The following AGBL4 variants were observed in gnomAD, a reference collection of about 807,000 sequenced individuals.
AGBL4 encodes the protein AGBL carboxypeptidase 4.
AGBL4 carries 58 observed loss-of-function variants against 66.4 expected under a neutral mutation model. The observed-to-expected ratio is 0.87, with a 90% CI of 0.71 to 1.09. The LOEUF (loss-of-function observed/expected upper bound fraction) is 1.09, where lower values mean the gene tolerates loss of function less well. Among genes scored for constraint, AGBL4 ranks in the 50% least tolerant of loss-of-function variants. AGBL4 has a pLI of 0.00. For synonymous variants in AGBL4, 234 were observed against 222.9 expected (o/e 1.05, Z -0.44); for missense variants, 579 against 631.0 (o/e 0.92, Z 0.88).
rs1240398333 is a variant in AGBL4 at position 48,539,686 on chromosome 1, C to A, written c.1320G>T (p.Leu440=). The A allele has an allele frequency of 6.5e-7, 1 of 1,544,884 alleles. No homozygotes were observed. The highest frequency in any genetic ancestry group is 8.7e-7 in the Non-Finnish European group (1 of 1,142,874). ...VARTFLDYYR[L]NPVVEKVAIP... is the part of the protein sequence containing the mutation. ...TTGCCACCTTTTCAACCACGGGGTTCAGCCGATAATAGTCCAAAAAGGTTC... is the reference window on the plus strand; with the variant it reads ...TTGCCACCTTTTCAACCACGGGGTTAAGCCGATAATAGTCCAAAAAGGTTC... Residue 440 remains leucine, a synonymous_variant, in exon 12 of 14, where the codon CTG becomes CTT. Transcript: ENST00000371839.
At chr1:48,626,547 C>T (rs954858480) in intron 9 of AGBL4, among the ~76,000 whole-genome samples, 2 of 152,238 alleles carry the variant, frequency 1.3e-5, no homozygotes, top group Admixed American at 6.5e-5. Context: ...CAACAGATAT[C>T]TCTATCTGGC....
intron 3 of AGBL4, among the ~76,000 whole-genome samples, chr1:49,258,109 G>A (rs1652720945): frequency 6.6e-6 from 1 of 152,126 alleles, no homozygotes; most frequent in South Asian, 2.1e-4. Context: ...TCTGTTGAAA[G>A]GAAAACTAAC....
At chr1:49,633,719 C>T (rs934461237) in intron 3 of AGBL4, among the ~76,000 whole-genome samples, 1 of 151,536 alleles carries the variant, frequency 6.6e-6, no homozygotes, top group Admixed American at 6.6e-5. Flanking sequence ...ATAGTTATTT[C>T]TTCATGATCA....
intron 5 of AGBL4, among the ~76,000 whole-genome samples, chr1:49,011,305 G>A (rs946036463): frequency 1.6e-4 from 24 of 152,178 alleles, no homozygotes; most frequent in African/African-American, 5.5e-4. Flanking sequence ...GGCCATCAGA[G>A]AAATGCAAAT....
intron 4 of AGBL4, among the ~76,000 whole-genome samples, chr1:49,155,663 A>C (rs372683568): frequency 2.0e-5 from 3 of 152,190 alleles, no homozygotes; most frequent in East Asian, 1.9e-4. Flanking sequence ...GAGTAAAGTA[A>C]GATGTCAGGG....
At chr1:48,776,410 G>A (rs1396647207) in intron 6 of AGBL4, among the ~76,000 whole-genome samples, 2 of 152,182 alleles carry the variant, frequency 1.3e-5, no homozygotes, top group African/African-American at 4.8e-5. Context: ...AGACAAAGGG[G>A]ACCATCCGGT....
intron 9 of AGBL4, among the ~76,000 whole-genome samples, chr1:48,604,974 T>C (rs6701767): frequency 0.14 from 21,726 of 152,270 alleles, 1,664 homozygotes; most frequent in South Asian, 0.2. Context: ...TCTGGCTCTT[T>C]GAATTGTTTG....
At chr1:49,107,378 T>C (rs1018122913) in intron 4 of AGBL4, among the ~76,000 whole-genome samples, 8 of 152,170 alleles carry the variant, frequency 5.3e-5, no homozygotes, top group Non-Finnish European at 1.2e-4. Context: ...TGTAATATTT[T>C]CAACTTACAA....
At chr1:49,650,304 G>A (rs1430908958) in intron 3 of AGBL4, among the ~76,000 whole-genome samples, 1 of 152,182 alleles carries the variant, frequency 6.6e-6, no homozygotes, top group African/African-American at 2.4e-5. Context: ...TATGGCAAAG[G>A]CTGACCCCTG....
chr1:49,459,046 C>T (rs1402262489), intron 3 of AGBL4, among the ~76,000 whole-genome samples: 1 of 150,974 alleles, frequency 6.6e-6, no homozygotes, highest in Non-Finnish European at 1.5e-5. Flanking sequence ...CTTTCTTTCT[C>T]TTTCTTTCCT....
chr1:49,729,790 T>C (rs1649293052), intron 2 of AGBL4, among the ~76,000 whole-genome samples: 1 of 152,060 alleles, frequency 6.6e-6, no homozygotes, highest in Non-Finnish European at 1.5e-5. Context: ...TAGTAGGAAT[T>C]TTAAAAAATG....
chr1:49,188,500 G>C (rs1647056310), intron 4 of AGBL4, among the ~76,000 whole-genome samples: 1 of 152,140 alleles, frequency 6.6e-6, no homozygotes, highest in Non-Finnish European at 1.5e-5. Context: ...CCTGCCCTCA[G>C]ACAGATTATA....
intron 4 of AGBL4, among the ~76,000 whole-genome samples, chr1:49,130,003 T>A (rs899497165): frequency 2.0e-5 from 3 of 152,198 alleles, no homozygotes; most frequent in Middle Eastern, 3.4e-3. Context: ...AATGATCACC[T>A]TTCTAACTGG....
At chr1:49,308,745 G>T (rs541318755) in intron 3 of AGBL4, among the ~76,000 whole-genome samples, 28 of 152,164 alleles carry the variant, frequency 1.8e-4, no homozygotes, top group Non-Finnish European at 3.4e-4. Flanking sequence ...AGGCAGGGTG[G>T]AAGGAATTAT....
rs150367487 is a variant in AGBL4 at position 49,518,256 on chromosome 1, A to G, written c.282+179057T>C. 2.8e-4 allele frequency among the ~76,000 whole-genome samples: 43 copies of G among 152,198 alleles called. 1 individual carries two copies. In the East Asian group the frequency reaches 8.3e-3, roughly 29 times the overall value. Reference sequence around the variant, plus strand: ...AACCCAGGGCCTTCCTATCTATAAAAAATACTGAGATCCAACACACTTTTC... The same window carrying G: ...AACCCAGGGCCTTCCTATCTATAAAGAATACTGAGATCCAACACACTTTTC... On this transcript the variant is annotated intron_variant, in intron 3 of 13. Coordinates refer to ENST00000371839, the MANE Select transcript of AGBL4 (RefSeq NM_032785.4).
intron 1 of AGBL4, among the ~76,000 whole-genome samples, chr1:49,916,669 T>C (rs1168584280): frequency 6.6e-6 from 1 of 152,206 alleles, no homozygotes; most frequent in Non-Finnish European, 1.5e-5. Context: ...TGCAGGATAT[T>C]ATCCAGGAGA....
intron 4 of AGBL4, among the ~76,000 whole-genome samples, chr1:49,200,985 C>A (rs1044575643): frequency 6.6e-6 from 1 of 152,118 alleles, no homozygotes; most frequent in Non-Finnish European, 1.5e-5. Flanking sequence ...CTGTCAGCCA[C>A]CTCATTAACA....
intron 4 of AGBL4, among the ~76,000 whole-genome samples, chr1:49,204,739 A>C (rs927594067): frequency 2.0e-5 from 3 of 152,134 alleles, no homozygotes; most frequent in African/African-American, 7.2e-5. Context: ...TTACCCACTT[A>C]CAGCTAGTGA....
At chr1:49,255,514 A>G (rs772978616) in intron 3 of AGBL4, among the ~76,000 whole-genome samples, 34 of 152,296 alleles carry the variant, frequency 2.2e-4, no homozygotes, top group Admixed American at 3.3e-4. Context: ...GTCAAAAAAT[A>G]GATAATGGCA....
Sources: gnomAD v4.1 joint callset for allele counts (sites outside exome capture counted in the v4.1 genomes callset) on GRCh38, gnomAD v4.1.1 for gene constraint, MANE v1.5 for transcripts, NCBI Gene and HGNC (gene_info 2026-07-23, HGNC 2026-07-21) for gene names.